PCDHA2: variants seen among roughly 807,000 people sequenced by gnomAD.
The protein encoded by PCDHA2 is protocadherin alpha-2.
In PCDHA2, 58 loss-of-function variants were observed where a neutral mutation model predicts 66.0. The ratio of observed to expected loss-of-function variants is 0.88; its 90% confidence interval spans 0.71 to 1.09. The LOEUF (loss-of-function observed/expected upper bound fraction) is 1.09, where lower values mean the gene tolerates loss of function less well. Among genes scored for constraint, PCDHA2 ranks in the 50% least tolerant of loss-of-function variants. The pLI is 0.00. For missense variants in PCDHA2, 1,267 were observed against 1,242.3 expected, an observed-to-expected ratio of 1.02 and a Z score of -0.30; for synonymous variants, 634 against 554.0, an observed-to-expected ratio of 1.14 and a Z score of -2.03.
At chr5:140,837,840 G>C (rs1775283148) in intron 1 of PCDHA2, among the ~76,000 whole-genome samples, 1 of 151,336 alleles carries the variant, frequency 6.6e-6, no homozygotes, top group African/African-American at 2.4e-5. Context: ...ATTGTGCCTG[G>C]CTAATTTTAT....
At chr5:140,867,679 G>A (rs1264964965) in intron 1 of PCDHA2, 1 of 151,996 alleles carries the variant, frequency 6.6e-6, no homozygotes, top group Non-Finnish European at 1.5e-5. Flanking sequence ...AAATTTTGTT[G>A]CATCTTCTTT....
At chr5:140,836,936 A>C in intron 1 of PCDHA2, 1 of 476,206 alleles carries the variant, frequency 2.1e-6, no homozygotes, top group Non-Finnish European at 3.6e-6. Context: ...GTAATACTAT[A>C]GATCAAAATC....
intron 1 of PCDHA2, among the ~76,000 whole-genome samples, chr5:140,898,780 C>A (rs1424563314): frequency 3.9e-5 from 6 of 152,106 alleles, no homozygotes; most frequent in African/African-American, 1.2e-4. Flanking sequence ...TTACCTTGGG[C>A]AGTATGGCCA....
At chr5:140,802,201 C>G (rs1554121944) in intron 1 of PCDHA2, 7 of 1,614,232 alleles carry the variant, frequency 4.3e-6, no homozygotes, top group Non-Finnish European at 5.9e-6. Flanking sequence ...GATCACTGCA[C>G]AGTTCTACTC....
chr5:140,808,989 C>A (rs1554124940), intron 1 of PCDHA2: 4 of 1,613,702 alleles, frequency 2.5e-6, no homozygotes, highest in Non-Finnish European at 1.7e-6. Flanking sequence ...GATGCTGACT[C>A]GGGCTACAAC....
At chr5:140,893,416 G>A (rs1351047268) in intron 1 of PCDHA2, among the ~76,000 whole-genome samples, 1 of 152,136 alleles carries the variant, frequency 6.6e-6, no homozygotes, top group Non-Finnish European at 1.5e-5. Context: ...ACTTAGGGAG[G>A]CAGAGGCAGG....
At chr5:140,952,098 C>T (rs1337442909) in intron 1 of PCDHA2, among the ~76,000 whole-genome samples, 2 of 152,108 alleles carry the variant, frequency 1.3e-5, no homozygotes, top group African/African-American at 4.8e-5. Flanking sequence ...ACATCCAGGG[C>T]ACACTCGTGT....
At chr5:140,869,588 T>G (rs1404476349) in intron 1 of PCDHA2, 7 of 1,613,996 alleles carry the variant, frequency 4.3e-6, no homozygotes, top group Non-Finnish European at 5.9e-6. Flanking sequence ...GATGCTGACA[T>G]TGAAGAGAAT....
Position 140,841,187 on chromosome 5 carries a change from CTT to C in PCDHA2, c.2388+43838_2388+43839del, listed in dbSNP as rs1212743736. On this transcript the variant is annotated intron_variant, in intron 1 of 3. Transcript: ENST00000526136. The stretch of plus-strand genomic sequence containing the variant: ...GTTCTGGTTGGTCAATGTTCAAAGT[CTT>C]TTCTCTGACAGCATCTGTCTCTAAA... 46 of 1,214,448 alleles carry C rather than the reference CTT, an allele frequency of 3.8e-5. 1 individual carries two copies. The Admixed American group carries it at 6.8e-4, about 18-fold the overall frequency. 75.2% of individuals were successfully genotyped at this position (1,214,448 alleles called of 1,614,324 possible).
intron 1 of PCDHA2, chr5:140,808,911 G>T (rs1554124881): frequency 6.2e-7 from 1 of 1,613,456 alleles, no homozygotes; most frequent in Non-Finnish European, 8.5e-7. Context: ...GGCACTGGTG[G>T]CGCAGTGAGC....
intron 1 of PCDHA2, among the ~76,000 whole-genome samples, chr5:140,896,899 C>T (rs191660343): frequency 1.4e-4 from 21 of 152,112 alleles, no homozygotes; most frequent in Admixed American, 1.4e-3. Flanking sequence ...CATTTTGATA[C>T]AAGCATGCAA....
intron 1 of PCDHA2, chr5:140,825,965 G>A (rs1173825503): frequency 6.6e-6 from 1 of 152,292 alleles, no homozygotes; most frequent in African/African-American, 2.4e-5. Context: ...CTACTCTTTT[G>A]AGGGGAAAAG....
intron 1 of PCDHA2, chr5:140,836,599 T>A (rs1166723338): frequency 6.2e-7 from 1 of 1,613,608 alleles, no homozygotes; most frequent in Admixed American, 1.7e-5. Context: ...AAGCCCACTC[T>A]GGTGTGCTCC....
chr5:140,801,195 G>T, intron 1 of PCDHA2: 2 of 1,589,630 alleles, frequency 1.3e-6, no homozygotes, highest in South Asian at 2.3e-5. Context: ...GAAAATACTT[G>T]CAATGTTGTT....
chr5:140,813,254 C>T (rs1554126149), intron 1 of PCDHA2: 1 of 152,178 alleles, frequency 6.6e-6, no homozygotes, highest in East Asian at 1.9e-4. Flanking sequence ...TCTCCTACTA[C>T]AGTCATTGGA....
rs782045843 is a variant in PCDHA2 at position 140,884,051 on chromosome 5, C to A, written c.2388+86699C>A. Reference sequence around the variant, plus strand: ...TGCAGGCCACGTGGTGGCGAAGGTGCGCGCGGTGGACGCCGATTCGGGCTA... The same window carrying A: ...TGCAGGCCACGTGGTGGCGAAGGTGAGCGCGGTGGACGCCGATTCGGGCTA... On this transcript the variant is annotated intron_variant, in intron 1 of 3. Coordinates refer to ENST00000526136, the MANE Select transcript of PCDHA2 (RefSeq NM_018905.3). The A allele has an allele frequency of 9.3e-6, 15 of 1,613,426 alleles. No homozygotes were observed. In the South Asian group the frequency reaches 1.6e-4, roughly 18 times the overall value.
intron 1 of PCDHA2, among the ~76,000 whole-genome samples, chr5:140,800,390 T>A (rs1762548959): frequency 6.6e-6 from 1 of 152,118 alleles, no homozygotes; most frequent in South Asian, 2.1e-4. Flanking sequence ...TTCTACAAAT[T>A]TAAAAAACCA....
At chr5:140,909,502 G>A (rs1583705871) in intron 1 of PCDHA2, among the ~76,000 whole-genome samples, 2 of 152,180 alleles carry the variant, frequency 1.3e-5, no homozygotes. Flanking sequence ...CGGGGATGTG[G>A]TGGGAATCAC....
At chr5:140,841,789 C>A (rs2150322679) in intron 1 of PCDHA2, 20 of 1,613,730 alleles carry the variant, frequency 1.2e-5, no homozygotes, top group Non-Finnish European at 1.6e-5. Context: ...CGCTAGAGGG[C>A]GCGTCCGATG....
Sources: gnomAD v4.1 joint callset for allele counts (sites outside exome capture counted in the v4.1 genomes callset) on GRCh38, gnomAD v4.1.1 for gene constraint, MANE v1.5 for transcripts, NCBI Gene and HGNC (gene_info 2026-07-23, HGNC 2026-07-21) for gene names.